GET4: variants seen among roughly 807,000 people sequenced by gnomAD.
GET4 encodes the protein Golgi to ER traffic protein 4 homolog.
GET4 carries 20 observed loss-of-function variants against 40.0 expected under a neutral mutation model. That is an observed-to-expected ratio of 0.50 (90% CI 0.35 to 0.73). The LOEUF (loss-of-function observed/expected upper bound fraction) is 0.73, where lower values mean the gene tolerates loss of function less well. Among genes scored for constraint, GET4 ranks in the 30% least tolerant of loss-of-function variants. The pLI is 0.01. For missense variants in GET4, 557 were observed against 454.0 expected, an observed-to-expected ratio of 1.23 and a Z score of -2.06; for synonymous variants, 280 against 194.6, an observed-to-expected ratio of 1.44 and a Z score of -3.65.
Position 876,633 on chromosome 7 carries a change from G to C in GET4, c.-13G>C. 1 of 1,232,210 alleles carries C rather than the reference G, an allele frequency of 8.1e-7. No individual in the cohort carries two copies. Among genetic ancestry groups the C allele is most frequent in the African/African-American group, 1.6e-5 (1 of 62,392 alleles). 76.3% of individuals were successfully genotyped at this position (1,232,210 alleles called of 1,614,324 possible). A position where few individuals can be genotyped will look rare whatever the true frequency, so the allele number is the denominator to read the frequency against. On this transcript the variant is annotated 5_prime_UTR_variant, in exon 1 of 9. Transcript: ENST00000265857. ...CCTGCGACAGCGTCAGCCCTGCGCG[G>C]AGCGCCGGCCCGATGGCGGCGGCGG...
intron 1 of GET4, chr7:883,705 C>T: frequency 2.0e-6 from 2 of 985,974 alleles, no homozygotes; most frequent in Non-Finnish European, 2.4e-6. Flanking sequence ...CCATGCCCAG[C>T]TGCCCCCCAC....
At position 892,301 on chromosome 7, in the gene GET4, G is replaced by T; in HGVS notation, c.629G>T (p.Ser210Ile). 6.3e-7 allele frequency: 1 copy of T among 1,589,318 alleles called. No homozygotes were observed. Among genetic ancestry groups the T allele is most frequent in the Non-Finnish European group, 8.6e-7 (1 of 1,159,082 alleles). The change falls in exon 6 of 9, where the codon AGT becomes ATT. Residue 210 changes from serine (S) to isoleucine (I), a missense_variant. Physicochemically the swap from Ser to Ile is moderately radical, Grantham distance 142 (BLOSUM62 -2). Transcript: ENST00000265857. ...AGGTTTCTCTGTTTAAAAAACAAAA[G>T]TAGCGCATCGGTGGTCTTCACGACG... ...VLQFLCLKNK[S>I]SASVVFTTYT...
At chr7:894,424 C>T (rs1432516004) in intron 8 of GET4, among the ~76,000 whole-genome samples, 3 of 152,164 alleles carry the variant, frequency 2.0e-5, no homozygotes, top group East Asian at 1.9e-4. Flanking sequence ...CCTCACTGAG[C>T]CGCCTGCCTT....
intron 3 of GET4, chr7:887,098 C>T: frequency 1.6e-6 from 1 of 643,722 alleles, no homozygotes. Context: ...GCGGCCACAG[C>T]TGTTCCTGGA....
intron 8 of GET4, 114 bp from the exon 9 acceptor site, chr7:895,220 T>C: frequency 1.7e-6 from 1 of 591,890 alleles, no homozygotes; most frequent in South Asian, 2.1e-5. Context: ...ATGTGAGGCT[T>C]TTGCTTGTTC....
chr7:888,667 C>T (rs868765840), intron 4 of GET4, among the ~76,000 whole-genome samples: 2 of 152,246 alleles, frequency 1.3e-5, no homozygotes, highest in Non-Finnish European at 2.9e-5. Context: ...AGGGGCTGGC[C>T]CAGGCTGGTG....
chr7:891,656 A>G (rs1474689946), intron 5 of GET4, among the ~76,000 whole-genome samples: 8 of 152,252 alleles, frequency 5.3e-5, no homozygotes, highest in African/African-American at 1.7e-4. Flanking sequence ...TTCCCACAGA[A>G]CAAATATGGA....
intron 1 of GET4, chr7:885,347 C>T (rs112730105): frequency 0.013 from 2,032 of 152,454 alleles, 22 homozygotes; most frequent in Admixed American, 0.023. Context: ...GGCTCTGCTG[C>T]TTACAGCAGT....
At chr7:878,185 A>G (rs576055498) in intron 1 of GET4, 15 of 458,196 alleles carry the variant, frequency 3.3e-5, no homozygotes, top group Middle Eastern at 3.5e-4. Context: ...AGAGCTGGCT[A>G]TGCTGGGTTA....
intron 8 of GET4, 28 bp from the exon 9 acceptor site, chr7:895,306 G>T (rs201502802): frequency 1.6e-6 from 2 of 1,230,214 alleles, no homozygotes; most frequent in African/African-American, 1.5e-5. Context: ...CTGCCCAGGC[G>T]TGACTGCCAC....
chr7:895,372 G>T lies in GET4; in HGVS notation c.934G>T (p.Glu312Ter). 1.2e-6 allele frequency: 2 copies of T among 1,600,968 alleles called. No homozygotes were observed. Among genetic ancestry groups the T allele is most frequent in the Non-Finnish European group, 1.7e-6 (2 of 1,169,518 alleles). ...LTSLMGSSEQ[E>*]DGEESPSDGS... is the part of the protein sequence containing the mutation. Reference sequence around the variant, plus strand: ...CAGCCTCATGGGCTCCTCAGAGCAGGAGGATGGGGAGGAGAGCCCCAGCGA... The same window carrying T: ...CAGCCTCATGGGCTCCTCAGAGCAGTAGGATGGGGAGGAGAGCCCCAGCGA... Residue 312 changes from glutamate (E) to a stop codon, truncating the protein, a stop_gained, in exon 9 of 9, where the codon GAG becomes TAG. Transcript: ENST00000265857. LOFTEE classifies it high-confidence loss of function.
Position 876,753 on chromosome 7 carries a change from G to C in GET4, c.108G>C (p.Lys36Asn). 7.3e-7 allele frequency: 1 copy of C among 1,369,518 alleles called. No homozygotes were observed. The highest frequency in any genetic ancestry group is 9.5e-7 in the Non-Finnish European group (1 of 1,047,446). The allele number at this position is 1,369,518 out of a possible 1,614,324, so 84.8% of individuals were successfully genotyped here. ...GCAAGCTGCGCGCCAGCGTCGAGAA[G>C]GGCGACTACTACGAGGCGCACCAGA... is the stretch of plus-strand genomic sequence containing the variant. ...VEGKLRASVE[K>N]GDYYEAHQMY... is the part of the protein sequence containing the mutation. Residue 36 changes from lysine to asparagine, a missense_variant, in exon 1 of 9, where the codon AAG (lysine) becomes AAC (asparagine). Physicochemically the swap from Lys to Asn is moderately conservative, Grantham distance 94. Coordinates refer to ENST00000265857, the MANE Select transcript of GET4 (RefSeq NM_015949.3).
intron 6 of GET4, among the ~76,000 whole-genome samples, chr7:892,879 T>C (rs1011791112): frequency 6.7e-6 from 1 of 149,688 alleles, no homozygotes; most frequent in Admixed American, 6.6e-5. Flanking sequence ...GTATGTGTGT[T>C]GTGTGTAGAC....
At chr7:888,963 G>A (rs1255418443) in intron 4 of GET4, among the ~76,000 whole-genome samples, 2 of 152,390 alleles carry the variant, frequency 1.3e-5, no homozygotes, top group African/African-American at 4.8e-5. Flanking sequence ...CCACTCCTGC[G>A]CACGGGCCCT....
intron 1 of GET4, chr7:884,452 C>A: frequency 9.9e-7 from 1 of 1,005,824 alleles, no homozygotes; most frequent in Non-Finnish European, 1.3e-6. Flanking sequence ...CGGAGGCCTG[C>A]CAACGGCCTG....
At position 879,612 on chromosome 7, in the gene GET4, C is replaced by T. The variant is rs192761872; in HGVS notation, c.155+2812C>T. The stretch of plus-strand genomic sequence containing the variant: ...CCTTGTTTCCAGAATTTTCTATTAA[C>T]CTCAACATAGTATAAATACACACCA... On this transcript the variant is annotated intron_variant, in intron 1 of 8. Coordinates refer to ENST00000265857, the MANE Select transcript of GET4 (RefSeq NM_015949.3). 1.3e-3 allele frequency among the ~76,000 whole-genome samples: 201 copies of T among 152,316 alleles called. 1 individual carries two copies. Among genetic ancestry groups the T allele is most frequent in the Non-Finnish European group, 2.3e-3 (156 of 68,028 alleles).
chr7:892,956 G>C (rs1409531560), intron 6 of GET4, among the ~76,000 whole-genome samples: 1 of 151,866 alleles, frequency 6.6e-6, no homozygotes, highest in African/African-American at 2.4e-5. Context: ...GTTGCTGGGT[G>C]TGTGCAGGTG....
chr7:878,068 C>A (rs1036820240), intron 1 of GET4: 6 of 327,360 alleles, frequency 1.8e-5, no homozygotes, highest in African/African-American at 1.3e-4. Context: ...AGGGTGAAAC[C>A]GCTTCTCTGT....
At chr7:889,646 G>A (rs1844270872) in intron 4 of GET4, among the ~76,000 whole-genome samples, 1 of 152,110 alleles carries the variant, frequency 6.6e-6, no homozygotes, top group Non-Finnish European at 1.5e-5. Flanking sequence ...CCTGGGAGTG[G>A]AGGGAGTGTG....
Sources: gnomAD v4.1 joint callset for allele counts (sites outside exome capture counted in the v4.1 genomes callset) on GRCh38, gnomAD v4.1.1 for gene constraint, MANE v1.5 for transcripts, NCBI Gene and HGNC (gene_info 2026-07-23, HGNC 2026-07-21) for gene names.